Variants in PDE4B observed in about 807,000 individuals in gnomAD.
The protein encoded by PDE4B is 3',5'-cyclic-AMP phosphodiesterase 4B.
PDE4B carries 20 observed loss-of-function variants against 82.2 expected under a neutral mutation model. The observed-to-expected ratio is 0.24, with a 90% CI of 0.17 to 0.35. PDE4B has a LOEUF of 0.35. Among genes scored for constraint, PDE4B ranks in the 10% least tolerant of loss-of-function variants. The pLI is 1.00. For synonymous variants in PDE4B, 320 were observed against 318.9 expected (o/e 1.00, Z -0.04); for missense variants, 655 against 907.2 (o/e 0.72, Z 3.57).
At chr1:66,087,703 T>C (rs1657080385) in intron 3 of PDE4B, among the ~76,000 whole-genome samples, 2 of 151,674 alleles carry the variant, frequency 1.3e-5, no homozygotes, top group South Asian at 2.1e-4. Context: ...AAATGATGAG[T>C]TCATGTCCTT....
At chr1:66,358,816 C>A (rs1459026565) in intron 9 of PDE4B, among the ~76,000 whole-genome samples, 1 of 151,950 alleles carries the variant, frequency 6.6e-6, no homozygotes, top group Non-Finnish European at 1.5e-5. Context: ...TCAATAAAAG[C>A]CATTAAATGT....
intron 8 of PDE4B, among the ~76,000 whole-genome samples, chr1:66,342,379 T>C (rs1311459997): frequency 6.6e-6 from 1 of 151,872 alleles, no homozygotes; most frequent in Non-Finnish European, 1.5e-5. Flanking sequence ...CTTAGTGTTT[T>C]GGTTATTGGA....
chr1:66,021,946 A>G (rs1653147513), intron 3 of PDE4B, among the ~76,000 whole-genome samples: 1 of 152,230 alleles, frequency 6.6e-6, no homozygotes, highest in Non-Finnish European at 1.5e-5. Flanking sequence ...ATCCATGAGC[A>G]TGGAATGTTT....
At chr1:65,914,883 A>G (rs1286968186) in intron 2 of PDE4B, among the ~76,000 whole-genome samples, 1 of 152,190 alleles carries the variant, frequency 6.6e-6, no homozygotes, top group African/African-American at 2.4e-5. Context: ...TACTCTGTCC[A>G]CTGTGGTAGC....
intron 1 of PDE4B, among the ~76,000 whole-genome samples, chr1:65,892,598 C>A (rs1646864382): frequency 6.6e-6 from 1 of 152,058 alleles, no homozygotes; most frequent in Non-Finnish European, 1.5e-5. Context: ...CCCACCCTAA[C>A]CCCAGTCCCT....
intron 3 of PDE4B, among the ~76,000 whole-genome samples, chr1:66,082,122 T>C (rs570842196): frequency 1.4e-4 from 21 of 152,148 alleles, no homozygotes; most frequent in African/African-American, 4.6e-4. Flanking sequence ...TAGCATTCAC[T>C]CCCATTCCCC....
At chr1:66,066,890 T>C (rs1178173193) in intron 3 of PDE4B, among the ~76,000 whole-genome samples, 1 of 151,998 alleles carries the variant, frequency 6.6e-6, no homozygotes, top group South Asian at 2.1e-4. Context: ...ATGTAGAATA[T>C]TAAAAAGATT....
chr1:66,049,606 A>G (rs1654904989), intron 3 of PDE4B, among the ~76,000 whole-genome samples: 1 of 152,146 alleles, frequency 6.6e-6, no homozygotes, highest in Non-Finnish European at 1.5e-5. Context: ...TTTGTATTAA[A>G]ATTAGTATGC....
intron 1 of PDE4B, among the ~76,000 whole-genome samples, chr1:65,887,949 T>G (rs1646810892): frequency 6.6e-6 from 1 of 152,174 alleles, no homozygotes; most frequent in African/African-American, 2.4e-5. Context: ...ACTTTTAAAT[T>G]TACTGTAGTC....
At chr1:65,859,164 T>C (rs142610894) in intron 1 of PDE4B, among the ~76,000 whole-genome samples, 4 of 152,214 alleles carry the variant, frequency 2.6e-5, no homozygotes, top group African/African-American at 7.2e-5. Flanking sequence ...TTTTTGGTTA[T>C]CCATGAGTAC....
chr1:66,272,050 T>C (rs1342490036), intron 7 of PDE4B, among the ~76,000 whole-genome samples: 1 of 152,180 alleles, frequency 6.6e-6, no homozygotes, highest in Non-Finnish European at 1.5e-5. Flanking sequence ...GGAAGAAAGC[T>C]TCACTTCTCT....
At chr1:66,190,749 G>C (rs1474982279) in intron 3 of PDE4B, among the ~76,000 whole-genome samples, 3 of 152,114 alleles carry the variant, frequency 2.0e-5, no homozygotes, top group Non-Finnish European at 4.4e-5. Context: ...CCCTTTCTTT[G>C]ACTAGGAAAG....
chr1:65,936,671 A>G (rs1648164367), intron 3 of PDE4B, among the ~76,000 whole-genome samples: 1 of 152,146 alleles, frequency 6.6e-6, no homozygotes, highest in African/African-American at 2.4e-5. Context: ...GTGTCTAACA[A>G]GTCTCCAGGT....
chr1:66,109,734 GTT>G lies in PDE4B; in HGVS notation c.282-137724_282-137723del, dbSNP rs1320324969. On this transcript the variant is annotated intron_variant, in intron 3 of 16. Transcript: ENST00000341517. ...TTAGATTTAGGGGATACATGTATATGTTTGTTACATGGATATATTGAGTATTG... is the reference window on the plus strand; with the variant it reads ...TTAGATTTAGGGGATACATGTATATGTGTTACATGGATATATTGAGTATTG... Among the ~76,000 whole-genome samples, 5 of 151,756 alleles carry G rather than the reference GTT, an allele frequency of 3.3e-5. No homozygotes were observed. In the South Asian group the frequency reaches 1.0e-3, roughly 32 times the overall value.
chr1:66,059,502 CTTACAGT>C (rs1655475968), intron 3 of PDE4B, among the ~76,000 whole-genome samples: 1 of 152,156 alleles, frequency 6.6e-6, no homozygotes, highest in South Asian at 2.1e-4. Flanking sequence ...GTTTATTGGA[CTTACAGT>C]TCCACATGGC....
chr1:65,807,457 A>G lies in PDE4B; in HGVS notation c.-71+14209A>G, dbSNP rs1570955657. Reference sequence around the variant, plus strand: ...TCATTTTAATTATTGGAATTTACCAATGCTTTAATAAGTATCCCAGTATAA... The same window carrying G: ...TCATTTTAATTATTGGAATTTACCAGTGCTTTAATAAGTATCCCAGTATAA... On this transcript the variant is annotated intron_variant, in intron 1 of 16. Coordinates refer to ENST00000341517, the MANE Select transcript of PDE4B (RefSeq NM_002600.4). Among the ~76,000 whole-genome samples, 3 of 152,356 alleles carry G rather than the reference A, an allele frequency of 2.0e-5. No homozygotes were observed. In the South Asian group the frequency reaches 6.2e-4, roughly 32 times the overall value.
intron 15 of PDE4B, 112 bp downstream of exon 15, chr1:66,368,177 C>T: frequency 3.8e-6 from 4 of 1,052,440 alleles, no homozygotes; most frequent in Non-Finnish European, 5.5e-6. Context: ...CTAGGCTACT[C>T]CTATAGCTTA....
intron 3 of PDE4B, among the ~76,000 whole-genome samples, chr1:66,056,487 TC>T (rs1367270606): frequency 6.9e-4 from 42 of 61,214 alleles, no homozygotes; most frequent in African/African-American, 1.0e-3. Context: ...CTATCTATCA[TC>T]TATCTATCTA....
At chr1:66,152,303 A>G (rs529201883) in intron 3 of PDE4B, 1 of 165,096 alleles carries the variant, frequency 6.1e-6, no homozygotes, top group South Asian at 1.7e-4. Flanking sequence ...GTTTACTTAA[A>G]TGCTTTATAA....
Sources: gnomAD v4.1 joint callset for allele counts (sites outside exome capture counted in the v4.1 genomes callset) on GRCh38, gnomAD v4.1.1 for gene constraint, MANE v1.5 for transcripts, NCBI Gene and HGNC (gene_info 2026-07-23, HGNC 2026-07-21) for gene names.